The following ZBED6 variants were observed in gnomAD, a reference collection of about 807,000 sequenced individuals.
ZBED6 encodes zinc finger BED domain-containing protein 6.
A neutral mutation model predicts 58.4 loss-of-function variants in ZBED6; 40 were observed. The ratio of observed to expected loss-of-function variants is 0.68; its 90% CI spans 0.53 to 0.89. The LOEUF is 0.89. Ranked by LOEUF, ZBED6 falls within the 40% of genes least tolerant of loss-of-function variation. The pLI, the probability that ZBED6 is intolerant of heterozygous loss-of-function variation, is 0.00. For synonymous variants in ZBED6, 439 were observed against 350.6 expected (o/e 1.25, Z -2.82); for missense variants, 1,057 against 1,003.9 (o/e 1.05, Z -0.71).
At chr1:203,838,985 A>G (rs1356258842) in intron 10 of ZBED6, among the ~76,000 whole-genome samples, 1 of 151,774 alleles carries the variant, frequency 6.6e-6, no homozygotes, top group Non-Finnish European at 1.5e-5. Flanking sequence ...AGAAAGAAAG[A>G]AAGGTTATAA....
intron 2 of ZBED6, among the ~76,000 whole-genome samples, chr1:203,818,178 A>G (rs1209662620): frequency 6.6e-6 from 1 of 152,074 alleles, no homozygotes; most frequent in Non-Finnish European, 1.5e-5. Context: ...GCACAGTTAT[A>G]TTGTATATAT....
At chr1:203,808,015 T>C (rs1367353967) in intron 1 of ZBED6, among the ~76,000 whole-genome samples, 1 of 152,188 alleles carries the variant, frequency 6.6e-6, no homozygotes, top group South Asian at 2.1e-4. Context: ...GTGCTGGCAT[T>C]ACGGATGTGA....
At chr1:203,830,032 T>A (rs1160298096) in intron 6 of ZBED6, 91 bp from the exon 7 acceptor site, 3 of 1,338,642 alleles carry the variant, frequency 2.2e-6, no homozygotes. Context: ...CTGTTGATCA[T>A]TTATTCAAAA....
At chr1:203,834,063 C>T (rs1683394927) in intron 9 of ZBED6, 2 of 1,225,826 alleles carry the variant, frequency 1.6e-6, no homozygotes, top group South Asian at 7.0e-5. Flanking sequence ...TAGATTATGA[C>T]CATGACCAGC....
chr1:203,841,318 G>A (rs1363358241), intron 11 of ZBED6, among the ~76,000 whole-genome samples: 2 of 152,114 alleles, frequency 1.3e-5, no homozygotes, highest in African/African-American at 4.8e-5. Context: ...TGCAGTGTTT[G>A]TGTCCCTGGG....
At chr1:203,851,531 C>T (rs1396559127) in intron 16 of ZBED6, among the ~76,000 whole-genome samples, 2 of 152,034 alleles carry the variant, frequency 1.3e-5, no homozygotes, top group African/African-American at 4.8e-5. Flanking sequence ...GGTTTTGCCA[C>T]ATTGTCCAGG....
intron 9 of ZBED6, among the ~76,000 whole-genome samples, chr1:203,836,202 GCA>G (rs1318589655): frequency 6.6e-6 from 1 of 152,106 alleles, no homozygotes; most frequent in Non-Finnish European, 1.5e-5. Flanking sequence ...GGGCAACATA[GCA>G]AGACCCTGTC....
exon 16 of ZBED6, chr1:203,851,081 G>T: frequency 1.9e-6 from 3 of 1,614,134 alleles, no homozygotes; most frequent in Non-Finnish European, 1.7e-6. Flanking sequence ...TGTCTCTGAG[G>T]ACAAATCAGT....
chr1:203,828,304 A>G (rs781190825), exon 4 of ZBED6: 3 of 1,614,090 alleles, frequency 1.9e-6, no homozygotes, highest in Non-Finnish European at 2.5e-6. Flanking sequence ...TACAGAAAAA[A>G]CGCAGTGAAA....
chr1:203,815,232 T>TTTTTTA (rs1675938494), intron 1 of ZBED6, among the ~76,000 whole-genome samples: 1 of 146,250 alleles, frequency 6.8e-6, no homozygotes. Context: ...TTTTTTTTTT[T>TTTTTTA]GAGACAGTGT....
At chr1:203,826,569 T>C (rs6673230) in intron 3 of ZBED6, among the ~76,000 whole-genome samples, 19,184 of 152,162 alleles carry the variant, frequency 0.13, 1,588 homozygotes, top group East Asian at 0.29. Flanking sequence ...CAGTGTATAA[T>C]TGAATTTTAT....
At chr1:203,851,081 G>A in exon 16 of ZBED6, 1 of 1,614,134 alleles carries the variant, frequency 6.2e-7, no homozygotes. Context: ...TGTCTCTGAG[G>A]ACAAATCAGT....
chr1:203,834,557 A>G (rs1292467431), intron 9 of ZBED6, among the ~76,000 whole-genome samples: 1 of 151,696 alleles, frequency 6.6e-6, no homozygotes, highest in Non-Finnish European at 1.5e-5. Context: ...CAGGCATGAG[A>G]TACCATGCTT....
rs774771270 is a variant in ZBED6, at chr1:203,830,925, A to AT, written c.*3400-698dup. ...GATTGCTCTGTATTTCCAACCCCCA[A>AT]TTTTTTTTTTTTTTTTTTTTTTTTT... On this transcript the variant is annotated intron_variant, in intron 7 of 16. Transcript: ENST00000550078. Among the ~76,000 whole-genome samples the AT allele has an allele frequency of 6.2e-3, 318 of 51,382 alleles. 52 individuals carry two copies. The highest frequency in any genetic ancestry group is 8.6e-3 in the Non-Finnish European group (233 of 27,060). 33.7% of individuals were successfully genotyped at this position (51,382 alleles called of 152,430 possible).
At chr1:203,832,143 C>G (rs1022735495) in intron 8 of ZBED6, among the ~76,000 whole-genome samples, 7 of 152,130 alleles carry the variant, frequency 4.6e-5, no homozygotes, top group African/African-American at 1.7e-4. Flanking sequence ...ACCGCAGCCT[C>G]CGTCTTCTGG....
chr1:203,801,327 T>C (rs1232033587), exon 1 of ZBED6: 1 of 152,192 alleles, frequency 6.6e-6, no homozygotes, highest in Non-Finnish European at 1.5e-5. Flanking sequence ...CATTATACTG[T>C]ATTAACTGTG....
intron 11 of ZBED6, among the ~76,000 whole-genome samples, chr1:203,840,779 G>A (rs189007234): frequency 0.013 from 1,990 of 151,900 alleles, 23 homozygotes; most frequent in Non-Finnish European, 0.014. Context: ...AATTACAGGC[G>A]TACGCCACCA....
intron 1 of ZBED6, among the ~76,000 whole-genome samples, chr1:203,812,539 A>C (rs1193267950): frequency 1.4e-5 from 2 of 144,640 alleles, no homozygotes; most frequent in Non-Finnish European, 3.0e-5. Flanking sequence ...CCTCACCAGC[A>C]TTTAGTGCTT....
chr1:203,805,883 A>G, intron 1 of ZBED6: 1 of 764,832 alleles, frequency 1.3e-6, no homozygotes, highest in Non-Finnish European at 2.3e-6. Context: ...TGGTCTTGTA[A>G]ATTCTCAATC....
Sources: allele counts gnomAD v4.1 joint callset (sites outside exome capture counted in the v4.1 genomes callset), GRCh38; gene constraint gnomAD v4.1.1; transcripts MANE v1.5; gene names NCBI Gene and HGNC (gene_info 2026-07-23, HGNC 2026-07-21).